ASCC3: variants seen among roughly 807,000 people sequenced by gnomAD.
ASCC3 encodes the protein ASC-1 complex subunit P200.
ASCC3 carries 158 observed loss-of-function variants against 256.3 expected under a neutral mutation model. The observed-to-expected ratio is 0.62, with a 90% CI of 0.54 to 0.70. The LOEUF is 0.70. ASCC3 is among the 30% of genes least tolerant of loss of function. ASCC3 has a pLI of 0.00. For synonymous variants in ASCC3, 948 were observed against 883.4 expected, an observed-to-expected ratio of 1.07 and a Z score of -1.30; for missense variants, 2,259 against 2,626.0, an observed-to-expected ratio of 0.86 and a Z score of 3.05.
In ASCC3 at chr6:100,847,659, A is replaced by C. The variant is rs138081698; in HGVS notation, c.801+489T>G. Among the ~76,000 whole-genome samples the C allele has an allele frequency of 3.3e-3, 505 of 152,234 alleles. 2 individuals are homozygous for C. The highest frequency in any genetic ancestry group is 0.012 in the African/African-American group (479 of 41,538). On this transcript the variant is annotated intron_variant, in intron 4 of 41. Coordinates refer to ENST00000369162, the MANE Select transcript of ASCC3 (RefSeq NM_006828.4). ...ATATATCACATTCAATCCTTATAAC[A>C]ATTATCTATCTTGATATTGGTGTCT...
intron 30 of ASCC3, among the ~76,000 whole-genome samples, chr6:100,611,720 A>G (rs933160861): frequency 6.6e-6 from 1 of 151,998 alleles, no homozygotes; most frequent in African/African-American, 2.4e-5. Flanking sequence ...ACCCCCATAA[A>G]AAATACTTGG....
chr6:100,652,981 T>G, intron 17 of ASCC3, 92 bp from the exon 18 acceptor site: 1 of 1,270,906 alleles, frequency 7.9e-7, no homozygotes, highest in Non-Finnish European at 1.1e-6. Context: ...AAACTTTTCT[T>G]AATGTTTTAG....
intron 17 of ASCC3, among the ~76,000 whole-genome samples, chr6:100,655,446 T>C (rs1474509187): frequency 6.6e-6 from 1 of 151,750 alleles, no homozygotes; most frequent in Non-Finnish European, 1.5e-5. Flanking sequence ...TAATATCAAA[T>C]AGAAATATAC....
At chr6:100,841,786 A>G (rs941319040) in intron 4 of ASCC3, among the ~76,000 whole-genome samples, 1 of 152,196 alleles carries the variant, frequency 6.6e-6, no homozygotes, top group African/African-American at 2.4e-5. Flanking sequence ...CCCATTGCAC[A>G]CATATAGGAC....
chr6:100,683,631 C>T (rs1777412972), intron 13 of ASCC3, among the ~76,000 whole-genome samples: 1 of 152,032 alleles, frequency 6.6e-6, no homozygotes, highest in Non-Finnish European at 1.5e-5. Flanking sequence ...ACAGAAATAA[C>T]TCCAAATTAA....
At chr6:100,690,263 GA>G (rs1319743202) in intron 13 of ASCC3, among the ~76,000 whole-genome samples, 2 of 151,930 alleles carry the variant, frequency 1.3e-5, no homozygotes, top group African/African-American at 2.4e-5. Flanking sequence ...ATAATGACAA[GA>G]AAAAAAGTCT....
At chr6:100,545,200 C>T (rs1004841344) in intron 36 of ASCC3, among the ~76,000 whole-genome samples, 1 of 151,908 alleles carries the variant, frequency 6.6e-6, no homozygotes, top group East Asian at 1.9e-4. Context: ...TTTTTTGAGA[C>T]GGAGTCTTGC....
At chr6:100,872,920 C>T (rs1416793598) in intron 1 of ASCC3, among the ~76,000 whole-genome samples, 2 of 152,088 alleles carry the variant, frequency 1.3e-5, no homozygotes, top group African/African-American at 4.8e-5. Flanking sequence ...CTCTGACAGA[C>T]CCTACCCAAA....
chr6:100,597,886 A>G (rs1392256315), intron 34 of ASCC3, among the ~76,000 whole-genome samples: 1 of 148,578 alleles, frequency 6.7e-6, no homozygotes, highest in African/African-American at 2.5e-5. Context: ...AGGCAGGAGA[A>G]TGGCGTGAAC....
At chr6:100,733,710 C>T (rs1381201621) in intron 10 of ASCC3, among the ~76,000 whole-genome samples, 2 of 152,178 alleles carry the variant, frequency 1.3e-5, no homozygotes, top group Non-Finnish European at 2.9e-5. Flanking sequence ...GAGACAATTA[C>T]TTATAGTTCC....
At chr6:100,749,982 C>T (rs1780861308) in intron 10 of ASCC3, among the ~76,000 whole-genome samples, 1 of 151,696 alleles carries the variant, frequency 6.6e-6, no homozygotes, top group Non-Finnish European at 1.5e-5. Context: ...TCTACAATTC[C>T]TTTAATTAAC....
rs976689053 is a variant in ASCC3 at position 100,805,682 on chromosome 6, A to C, written c.922+78T>G. On this transcript the variant is annotated intron_variant, in intron 5 of 41. Transcript: ENST00000369162. ...TATAACAGACCAAAACATATTTTAA[A>C]ATGTAATTACATTAAAAACATTTGC... 2.0e-6 allele frequency: 3 copies of C among 1,505,382 alleles called. No homozygotes were observed. In the African/African-American group the frequency reaches 4.2e-5, roughly 21 times the overall value. The allele number at this position is 1,505,382 out of a possible 1,614,324, so 93.3% of individuals were successfully genotyped here. A position where few individuals can be genotyped will look rare whatever the true frequency, so the allele number is the denominator to read the frequency against.
Position 100,610,179 on chromosome 6 carries a change from T to C in ASCC3, c.4786-3091A>G, listed in dbSNP as rs571408929. Among the ~76,000 whole-genome samples the C allele has an allele frequency of 7.9e-5, 12 of 152,322 alleles. No individual in the cohort carries two copies. The South Asian group carries it at 1.5e-3, about 18-fold the overall frequency. On this transcript the variant is annotated intron_variant, in intron 30 of 41. Transcript: ENST00000369162. ...ATGCATAACTTTTATATGCCTGAGA[T>C]AGAAGTATAAAAAAGTGACAATTTC... is the stretch of plus-strand genomic sequence containing the variant.
intron 14 of ASCC3, among the ~76,000 whole-genome samples, chr6:100,677,337 TA>T (rs879435725): frequency 1.3e-4 from 19 of 147,468 alleles, no homozygotes; most frequent in African/African-American, 2.0e-4. Context: ...CTATTTTATT[TA>T]AAAAAAAAAG....
rs1309095350 is a variant in ASCC3, at chr6:100,509,804, C to T, written c.6461+128G>A. The T allele has an allele frequency of 8.8e-5, 83 of 939,384 alleles. 1 individual carries two copies. In the South Asian group the frequency reaches 1.1e-3, roughly 13 times the overall value. 58.2% of individuals were successfully genotyped at this position (939,384 alleles called of 1,614,324 possible). A position where few individuals can be genotyped will look rare whatever the true frequency, so the allele number is the denominator to read the frequency against. On this transcript the variant is annotated intron_variant, in intron 41 of 41. Transcript: ENST00000369162. ...TCGGGAGGCTGAGGCAGGAGAATGG[C>T]GTGAACCCGGGAGGCGGAGCTTGCA...
intron 10 of ASCC3, among the ~76,000 whole-genome samples, chr6:100,749,735 T>C (rs562990923): frequency 6.6e-6 from 1 of 151,976 alleles, no homozygotes; most frequent in East Asian, 1.9e-4. Flanking sequence ...CAACCAAGGT[T>C]AAAATCAATG....
At chr6:100,603,836 C>CTAT (rs2114800674) in intron 33 of ASCC3, among the ~76,000 whole-genome samples, 1 of 152,032 alleles carries the variant, frequency 6.6e-6, no homozygotes, top group East Asian at 1.9e-4. Context: ...ATTTGATTAA[C>CTAT]TATTGTTTGT....
chr6:100,750,109 C>T (rs534248904), intron 10 of ASCC3, among the ~76,000 whole-genome samples: 1 of 151,922 alleles, frequency 6.6e-6, no homozygotes, highest in African/African-American at 2.4e-5. Context: ...TAACTGCCCC[C>T]AAACAATAGA....
intron 14 of ASCC3, among the ~76,000 whole-genome samples, chr6:100,663,303 A>G (rs946502134): frequency 1.3e-5 from 2 of 152,090 alleles, no homozygotes; most frequent in African/African-American, 4.8e-5. Flanking sequence ...GTCCAAAAAT[A>G]TTAAGTAGAA....
Sources: gnomAD v4.1 joint callset for allele counts (sites outside exome capture counted in the v4.1 genomes callset) on GRCh38, gnomAD v4.1.1 for gene constraint, MANE v1.5 for transcripts, NCBI Gene and HGNC (gene_info 2026-07-23, HGNC 2026-07-21) for gene names.